SLCO2A1: variants seen among roughly 807,000 people sequenced by gnomAD.
SLCO2A1 encodes solute carrier organic anion transporter family member 2A1.
In SLCO2A1, 60 loss-of-function variants were observed where a neutral mutation model predicts 71.7. That is an observed-to-expected ratio of 0.84 (90% confidence interval 0.68 to 1.04). The LOEUF is 1.04. Ranked by LOEUF, SLCO2A1 falls within the 50% of genes least tolerant of loss-of-function variation. The pLI, the probability that SLCO2A1 is intolerant of heterozygous loss-of-function variation, is 0.00. For missense variants in SLCO2A1, 745 were observed against 813.4 expected (o/e 0.92, Z 1.02); for synonymous variants, 308 against 326.7 (o/e 0.94, Z 0.62).
At chr3:133,967,234 G>C (rs541606006) in intron 3 of SLCO2A1, among the ~76,000 whole-genome samples, 17 of 152,358 alleles carry the variant, frequency 1.1e-4, no homozygotes, top group South Asian at 2.1e-4. Context: ...GTCTCCACCA[G>C]GCCTGTGCTA....
At position 133,951,191 on chromosome 3, in the gene SLCO2A1, G is replaced by A. The variant is rs754471948; in HGVS notation, c.861+17C>T. 6.2e-7 allele frequency: 1 copy of A among 1,613,914 alleles called. No homozygotes were observed. The highest frequency in any genetic ancestry group is 8.5e-7 in the Non-Finnish European group (1 of 1,179,936). ...TTCAACTCCATCAGGTAGAGTCATG[G>A]GCTCTTGGAACCTTACCTTTGCTCC... On this transcript the variant is annotated intron_variant, in intron 6 of 13. Coordinates refer to ENST00000310926, the MANE Select transcript of SLCO2A1 (RefSeq NM_005630.3).
chr3:133,948,933 C>G lies in SLCO2A1; in HGVS notation c.900G>C (p.Glu300Asp). The G allele has an allele frequency of 6.2e-7, 1 of 1,614,184 alleles. No individual in the cohort carries two copies. The highest frequency in any genetic ancestry group is 8.5e-7 in the Non-Finnish European group (1 of 1,180,018). The change falls in exon 7 of 14, where the codon GAG becomes GAC. Residue 300 changes from glutamate to aspartate, a missense_variant. Glu to Asp is a conservative substitution (Grantham distance 45). Coordinates refer to ENST00000310926, the MANE Select transcript of SLCO2A1 (RefSeq NM_005630.3). ...PATADEARKL[E>D]EAKSRGSLVD... is the part of the protein sequence containing the mutation. ...CCAGGGAGCCTCTTGACTTGGCCTC[C>G]TCCAACTTCCTTGCTTCATCTGCTG...
chr3:133,957,417 G>T (rs1321314500), intron 3 of SLCO2A1, among the ~76,000 whole-genome samples: 1 of 152,118 alleles, frequency 6.6e-6, no homozygotes, highest in Non-Finnish European at 1.5e-5. Flanking sequence ...GCTCACAGGG[G>T]TTACTGTGAG....
intron 2 of SLCO2A1, among the ~76,000 whole-genome samples, chr3:133,976,956 G>A (rs958556394): frequency 1.3e-5 from 2 of 152,136 alleles, no homozygotes; most frequent in Non-Finnish European, 2.9e-5. Flanking sequence ...CTCACCTACT[G>A]GGCCCCCAGA....
At chr3:133,966,557 G>A (rs1047126645) in intron 3 of SLCO2A1, among the ~76,000 whole-genome samples, 5 of 152,234 alleles carry the variant, frequency 3.3e-5, no homozygotes, top group Non-Finnish European at 1.5e-5. Context: ...TTAGGTCCTG[G>A]TTTGTGGGTC....
chr3:133,986,413 G>A (rs770885130), intron 1 of SLCO2A1, among the ~76,000 whole-genome samples: 7 of 152,210 alleles, frequency 4.6e-5, no homozygotes, highest in Non-Finnish European at 1.0e-4. Context: ...GACAAGGGCT[G>A]TGCGTGTGTG....
chr3:134,011,663 C>A (rs1176183867), intron 1 of SLCO2A1, among the ~76,000 whole-genome samples: 1 of 152,234 alleles, frequency 6.6e-6, no homozygotes, highest in Non-Finnish European at 1.5e-5. Context: ...CCATAAGACC[C>A]GTTCCCACTA....
chr3:133,966,427 A>G (rs570704137), intron 3 of SLCO2A1, among the ~76,000 whole-genome samples: 2 of 152,276 alleles, frequency 1.3e-5, no homozygotes, highest in South Asian at 4.1e-4. Flanking sequence ...TGTCACCAGC[A>G]CAAGACGATG....
At chr3:133,946,669 A>T (rs1221803111) in intron 9 of SLCO2A1, among the ~76,000 whole-genome samples, 1 of 152,206 alleles carries the variant, frequency 6.6e-6, no homozygotes, top group African/African-American at 2.4e-5. Context: ...CTACAAATTC[A>T]TCCTGAAATC....
In SLCO2A1 at chr3:133,945,200, A is replaced by C. The variant is rs760807813; in HGVS notation, c.1356T>G (p.Asp452Glu). The change falls in exon 10 of 14, where the codon GAT becomes GAG. Residue 452 changes from aspartate to glutamate, a missense_variant. Transcript: ENST00000310926. ...PACRRDCSCP[D>E]SIFHPVCGDN... is the part of the protein sequence containing the mutation. ...CTCCACAGACCGGGTGGAAGATAGA[A>C]TCTGGGCACGAGCAGTCCCTGCGGC... The C allele has an allele frequency of 1.2e-6, 2 of 1,614,056 alleles. No individual in the cohort carries two copies.
At chr3:133,939,962 CTTT>C (rs752743899) in intron 11 of SLCO2A1, among the ~76,000 whole-genome samples, 3,332 of 106,254 alleles carry the variant, frequency 0.031, 88 homozygotes, top group African/African-American at 0.083. Context: ...ACAAAGTCAT[CTTT>C]TTTTTTTTTT....
intron 1 of SLCO2A1, among the ~76,000 whole-genome samples, chr3:133,990,124 C>T (rs924339055): frequency 6.6e-6 from 1 of 152,248 alleles, no homozygotes; most frequent in Non-Finnish European, 1.5e-5. Context: ...CCGGGCTGTG[C>T]CAAGCCCGCG....
chr3:134,027,980 A>C (rs545003577), intron 1 of SLCO2A1, among the ~76,000 whole-genome samples: 214 of 152,364 alleles, frequency 1.4e-3, no homozygotes, highest in Non-Finnish European at 2.2e-3. Context: ...AGCCAGTATG[A>C]GTACTTAACT....
rs573768027 is a variant in SLCO2A1 at position 134,013,468 on chromosome 3, A to T, written c.96+16239T>A. Among the ~76,000 whole-genome samples, 150 of 152,198 alleles carry T rather than the reference A, an allele frequency of 9.9e-4. 2 individuals carry two copies. The highest frequency in any genetic ancestry group is 3.4e-3 in the African/African-American group (141 of 41,526). ...CTTTGCCCCCCACCAACAGGGCCTC[A>T]TTGTGCTCTCTAGCTGGTTCTGTCT... On this transcript the variant is annotated intron_variant, in intron 1 of 13. Coordinates refer to ENST00000310926, the MANE Select transcript of SLCO2A1 (RefSeq NM_005630.3).
At chr3:133,972,450 A>C (rs986654298) in intron 3 of SLCO2A1, among the ~76,000 whole-genome samples, 7 of 152,200 alleles carry the variant, frequency 4.6e-5, no homozygotes, top group Admixed American at 1.3e-4. Context: ...GAAAACAGGG[A>C]TGTGCAATAT....
intron 1 of SLCO2A1, among the ~76,000 whole-genome samples, chr3:133,997,764 G>A (rs933613162): frequency 2.0e-5 from 3 of 152,204 alleles, no homozygotes; most frequent in Non-Finnish European, 4.4e-5. Flanking sequence ...TGAATACCCG[G>A]GCCAGAGGTT....
chr3:133,961,933 C>T (rs181929448), intron 3 of SLCO2A1, among the ~76,000 whole-genome samples: 4 of 152,306 alleles, frequency 2.6e-5, no homozygotes, highest in East Asian at 1.9e-4. Flanking sequence ...CTAACAGAAC[C>T]GGCCTTATGC....
intron 1 of SLCO2A1, among the ~76,000 whole-genome samples, chr3:134,015,013 C>T (rs1157567972): frequency 1.3e-5 from 2 of 152,118 alleles, no homozygotes; most frequent in South Asian, 2.1e-4. Flanking sequence ...CAAAAGCAAG[C>T]GTTAAACCTG....
chr3:133,938,369 G>C, intron 12 of SLCO2A1, 60 bp downstream of exon 12: 1 of 1,418,822 alleles, frequency 7.0e-7, no homozygotes, highest in Non-Finnish European at 1.0e-6. Flanking sequence ...TGCACCCATA[G>C]CCTTCAGATG....
Sources: allele counts gnomAD v4.1 joint callset (sites outside exome capture counted in the v4.1 genomes callset), GRCh38; gene constraint gnomAD v4.1.1; transcripts MANE v1.5; gene names NCBI Gene and HGNC (gene_info 2026-07-23, HGNC 2026-07-21).